The following ZFR2 variants were observed in gnomAD, a reference collection of about 807,000 sequenced individuals.
The protein encoded by ZFR2 is zinc finger RNA-binding protein 2.
A neutral mutation model predicts 105.7 loss-of-function variants in ZFR2; 104 were observed. The observed-to-expected ratio is 0.98, with a 90% CI of 0.84 to 1.16. ZFR2 has a LOEUF of 1.16. Among genes scored for constraint, ZFR2 ranks in the 50% most tolerant of loss-of-function variants. The pLI, the probability that ZFR2 is intolerant of heterozygous loss-of-function variation, is 0.00. For missense variants in ZFR2, 1,425 were observed against 1,355.5 expected, an observed-to-expected ratio of 1.05 and a Z score of -0.80; for synonymous variants, 634 against 597.7, an observed-to-expected ratio of 1.06 and a Z score of -0.89.
At chr19:3,820,328 G>A (rs763659709) in intron 10 of ZFR2, 38 bp from the exon 11 acceptor site, 1 of 1,515,154 alleles carries the variant, frequency 6.6e-7, no homozygotes, top group Non-Finnish European at 8.8e-7. Flanking sequence ...GGTCAGGCCA[G>A]CAGTGGCCCT....
At chr19:3,850,336 G>A (rs1453918744) in intron 1 of ZFR2, among the ~76,000 whole-genome samples, 1 of 152,092 alleles carries the variant, frequency 6.6e-6, no homozygotes, top group East Asian at 1.9e-4. Flanking sequence ...TTATCAGGGT[G>A]AGGGGTGACG....
intron 1 of ZFR2, among the ~76,000 whole-genome samples, chr19:3,844,583 G>T (rs774701744): frequency 2.0e-5 from 3 of 152,064 alleles, no homozygotes; most frequent in Non-Finnish European, 4.4e-5. Context: ...TGGCCAGGCT[G>T]ATCTTGAACC....
At chr19:3,825,803 G>C (rs1370301081) in intron 6 of ZFR2, among the ~76,000 whole-genome samples, 1 of 152,178 alleles carries the variant, frequency 6.6e-6, no homozygotes, top group East Asian at 1.9e-4. Context: ...TGGTGGGTGT[G>C]CACGTGTCCC....
At chr19:3,835,101 C>A in intron 1 of ZFR2, 118 bp from the exon 2 acceptor site, 3 of 1,199,174 alleles carry the variant, frequency 2.5e-6, no homozygotes, top group Non-Finnish European at 3.6e-6. Context: ...TTGGTGGAGA[C>A]CCTCCTAGGA....
chr19:3,825,275 G>A lies in ZFR2; in HGVS notation c.1168C>T (p.Pro390Ser), dbSNP rs2145151769. The A allele has an allele frequency of 1.9e-6, 3 of 1,574,088 alleles. No individual in the cohort carries two copies. Among genetic ancestry groups the A allele is most frequent in the East Asian group, 2.3e-5 (1 of 43,410 alleles). Residue 390 changes from proline to serine, a missense_variant, in exon 7 of 19, where the codon CCA (proline) becomes TCA (serine). Coordinates refer to ENST00000262961, the MANE Select transcript of ZFR2 (RefSeq NM_015174.2). ...GCCACGGGTCTCTTGGCCAGCGCTG[G>A]CCTGCTCGAGGCACACACGCTGGGG... ...TGPSVCASSRPALAKRPVASK... is the reference protein window; with the variant it reads ...TGPSVCASSRSALAKRPVASK...
chr19:3,817,575 T>C (rs2037839228), intron 12 of ZFR2, among the ~76,000 whole-genome samples: 1 of 127,466 alleles, frequency 7.8e-6, no homozygotes, highest in African/African-American at 2.9e-5. Flanking sequence ...ATGATAATAA[T>C]AATAATAATA....
chr19:3,868,661 C>A (rs1045646266), intron 1 of ZFR2, among the ~76,000 whole-genome samples: 1 of 151,732 alleles, frequency 6.6e-6, no homozygotes, highest in Non-Finnish European at 1.5e-5. Flanking sequence ...CGACCCCGCA[C>A]AGGCCCAGGC....
intron 1 of ZFR2, among the ~76,000 whole-genome samples, chr19:3,855,061 A>AT (rs1195378058): frequency 1.3e-5 from 2 of 151,922 alleles, no homozygotes; most frequent in Non-Finnish European, 2.9e-5. Flanking sequence ...TGCCCAGCTA[A>AT]TTTTTTAAAT....
chr19:3,811,197 G>C, intron 15 of ZFR2, 75 bp downstream of exon 15: 1 of 1,402,482 alleles, frequency 7.1e-7, no homozygotes, highest in Non-Finnish European at 9.5e-7. Flanking sequence ...CGGCCGCGCC[G>C]GGTTGACCTG....
chr19:3,840,043 C>T (rs2038119753), intron 1 of ZFR2, among the ~76,000 whole-genome samples: 1 of 152,128 alleles, frequency 6.6e-6, no homozygotes, highest in Non-Finnish European at 1.5e-5. Flanking sequence ...CCGCAACTCG[C>T]TTCTCCAATG....
rs1357365566 is a variant in ZFR2 at position 3,819,044 on chromosome 19, C to A, written c.1931+1G>T. On this transcript the variant is annotated splice_donor_variant, in intron 12 of 18. Coordinates refer to ENST00000262961, the MANE Select transcript of ZFR2 (RefSeq NM_015174.2). LOFTEE classifies it high-confidence loss of function. ...CCCTGGGGAAGGGGATCTCCAATGA[C>A]CTGCGCTTGTCACCCTCTTCCTCTC... The A allele has an allele frequency of 1.2e-6, 2 of 1,612,002 alleles. No individual in the cohort carries two copies. Among genetic ancestry groups the A allele is most frequent in the South Asian group, 1.1e-5 (1 of 90,884 alleles).
At position 3,864,375 on chromosome 19, in the gene ZFR2, C is replaced by CACAAACAA. The variant is rs58613356; in HGVS notation, c.53+4582_53+4589dup. 4.1e-3 allele frequency among the ~76,000 whole-genome samples: 620 copies of CACAAACAA among 151,410 alleles called. 5 individuals are homozygous for CACAAACAA. Among genetic ancestry groups the CACAAACAA allele is most frequent in the African/African-American group, 8.3e-3 (343 of 41,230 alleles). On this transcript the variant is annotated intron_variant, in intron 1 of 18. Transcript: ENST00000262961. ...TGGGCAACAGAGTGAGATCCTGTCT[C>CACAAACAA]ACAAACAAACAAACAAACAAACAAA...
intron 1 of ZFR2, among the ~76,000 whole-genome samples, chr19:3,863,550 C>T (rs909894736): frequency 9.2e-5 from 14 of 152,190 alleles, no homozygotes; most frequent in Non-Finnish European, 1.6e-4. Context: ...TCCTCGGCCT[C>T]CCAAAGTGCT....
chr19:3,830,060 G>T (rs2037994123), intron 5 of ZFR2, among the ~76,000 whole-genome samples: 2 of 152,158 alleles, frequency 1.3e-5, no homozygotes, highest in African/African-American at 2.4e-5. Context: ...GGCACTATGG[G>T]AGGCTGAGGC....
chr19:3,848,798 T>C (rs10420977), intron 1 of ZFR2, among the ~76,000 whole-genome samples: 2 of 151,792 alleles, frequency 1.3e-5, no homozygotes, highest in Admixed American at 6.6e-5. Context: ...GAGACCATCC[T>C]GGCTAACACG....
rs1440783493 is a variant in ZFR2, at chr19:3,811,287, A to AT, written c.2321dup (p.His774GlnfsTer206). The AT allele has an allele frequency of 1.3e-6, 2 of 1,598,540 alleles. No individual in the cohort carries two copies. Among genetic ancestry groups the AT allele is most frequent in the Non-Finnish European group, 1.7e-6 (2 of 1,173,564 alleles). ...CCCCCCTGACCTGAAACCACCTGGC[A>AT]TGACGGAGGGCGGCCAGGGACTCGA... On this transcript the variant is annotated frameshift_variant, in exon 15 of 19. Transcript: ENST00000262961. LOFTEE classifies it high-confidence loss of function.
At chr19:3,812,376 G>A (rs907288123) in intron 14 of ZFR2, among the ~76,000 whole-genome samples, 1 of 152,068 alleles carries the variant, frequency 6.6e-6, no homozygotes, top group Non-Finnish European at 1.5e-5. Context: ...CGCTGTGCCC[G>A]ACCTAAAAAG....
chr19:3,820,288 C>G lies in ZFR2; in HGVS notation c.1634G>C (p.Arg545Pro). Residue 545 changes from arginine to proline, a missense_variant and splice_region_variant, in exon 11 of 19, where the codon CGG becomes CCG. By Grantham distance (103) the Arg-to-Pro change is moderately radical. Coordinates refer to ENST00000262961, the MANE Select transcript of ZFR2 (RefSeq NM_015174.2). ...GTCCTGGGGTGGCTCCTCCTCCAGC[C>G]GCCTGCAGGACCGAGACGTGACAGA... Reference protein sequence around the residue: ...QLRRWHAERRRLEEEPPQDVP... With the variant: ...QLRRWHAERRPLEEEPPQDVP... 1 of 1,544,014 alleles carries G rather than the reference C, an allele frequency of 6.5e-7. No individual in the cohort carries two copies. Among genetic ancestry groups the G allele is most frequent in the African/African-American group, 1.4e-5 (1 of 72,952 alleles).
At chr19:3,857,628 G>A (rs10414119) in intron 1 of ZFR2, among the ~76,000 whole-genome samples, 3,958 of 151,034 alleles carry the variant, frequency 0.026, 172 homozygotes, top group African/African-American at 0.092. Context: ...CCCAGGAGGC[G>A]GAGGTTGCTG....
Sources: gnomAD v4.1 joint callset for allele counts (sites outside exome capture counted in the v4.1 genomes callset) on GRCh38, gnomAD v4.1.1 for gene constraint, MANE v1.5 for transcripts, NCBI Gene and HGNC (gene_info 2026-07-23, HGNC 2026-07-21) for gene names.